Variants in COL22A1 observed in about 807,000 individuals in gnomAD.
COL22A1 encodes the protein collagen type XXII alpha 1 chain, also known as collagen alpha-1(XXII) chain.
Under a neutral mutation model 248.9 loss-of-function variants are expected in COL22A1, and 221 were observed. That is an observed-to-expected ratio of 0.89 (90% CI 0.80 to 0.99). The LOEUF (loss-of-function observed/expected upper bound fraction) is 0.99, where lower values mean the gene tolerates loss of function less well. COL22A1 is among the 50% of genes least tolerant of loss of function. The pLI, the probability that COL22A1 is intolerant of heterozygous loss-of-function variation, is 0.00. For synonymous variants in COL22A1, 891 were observed against 793.4 expected (o/e 1.12, Z -2.07); for missense variants, 2,240 against 2,179.0 (o/e 1.03, Z -0.56).
intron 25 of COL22A1, among the ~76,000 whole-genome samples, chr8:138,723,827 C>T (rs73443086): frequency 6.6e-6 from 1 of 152,142 alleles, no homozygotes; most frequent in Admixed American, 6.5e-5. Context: ...CGACCACAGG[C>T]CCCCTGGGCG....
chr8:138,903,415 T>A (rs568931832), intron 1 of COL22A1, among the ~76,000 whole-genome samples: 2 of 152,320 alleles, frequency 1.3e-5, no homozygotes, highest in South Asian at 4.1e-4. Flanking sequence ...ATGCTTGGGG[T>A]AACATGTAGC....
chr8:138,814,337 C>A (rs1818497215), intron 7 of COL22A1, among the ~76,000 whole-genome samples: 2 of 152,246 alleles, frequency 1.3e-5, no homozygotes, highest in South Asian at 4.1e-4. Context: ...AGATTGGGAA[C>A]TTAATTCCCC....
intron 30 of COL22A1, among the ~76,000 whole-genome samples, chr8:138,709,868 A>C (rs1331823071): frequency 6.6e-6 from 1 of 152,128 alleles, no homozygotes; most frequent in Non-Finnish European, 1.5e-5. Flanking sequence ...AATCATAACT[A>C]ATGTTGATTT....
At chr8:138,853,932 G>A (rs147139219) in intron 3 of COL22A1, among the ~76,000 whole-genome samples, 13 of 152,346 alleles carry the variant, frequency 8.5e-5, no homozygotes, top group African/African-American at 3.1e-4. Flanking sequence ...GCCCTGCAGA[G>A]ATGGTCAAGG....
At chr8:138,664,416 C>T (rs1204980572) in intron 41 of COL22A1, among the ~76,000 whole-genome samples, 2 of 152,000 alleles carry the variant, frequency 1.3e-5, no homozygotes, top group African/African-American at 2.4e-5. Context: ...TGGGACCGTC[C>T]CTTGCCCCTG....
intron 29 of COL22A1, 72 bp from the exon 30 acceptor site, chr8:138,715,807 A>T (rs1829387662): frequency 9.0e-7 from 1 of 1,111,782 alleles, no homozygotes; most frequent in Non-Finnish European, 1.3e-6. Flanking sequence ...TCAAGGTAAG[A>T]GCAACATGAC....
At chr8:138,717,168 G>A (rs1386433701) in intron 27 of COL22A1, among the ~76,000 whole-genome samples, 1 of 151,456 alleles carries the variant, frequency 6.6e-6, no homozygotes, top group Non-Finnish European at 1.5e-5. Context: ...TTTTTTTTGA[G>A]ACGGAGTCTC....
chr8:138,912,244 C>T (rs1391273029), intron 1 of COL22A1, among the ~76,000 whole-genome samples: 1 of 152,250 alleles, frequency 6.6e-6, no homozygotes, highest in Non-Finnish European at 1.5e-5. Flanking sequence ...CATCCTTCAA[C>T]TGCAACTTGC....
chr8:138,769,145 G>C (rs1834151296), intron 16 of COL22A1, among the ~76,000 whole-genome samples: 1 of 152,036 alleles, frequency 6.6e-6, no homozygotes, highest in Non-Finnish European at 1.5e-5. Context: ...TCTAAGCTGT[G>C]AGTTTAAGAG....
intron 7 of COL22A1, among the ~76,000 whole-genome samples, chr8:138,814,119 G>T (rs577859074): frequency 4.6e-5 from 7 of 152,308 alleles, no homozygotes; most frequent in African/African-American, 1.7e-4. Flanking sequence ...CCAGGGCCTG[G>T]CCCTGCCTGG....
chr8:138,713,252 C>A (rs1444504352), intron 30 of COL22A1, among the ~76,000 whole-genome samples: 1 of 151,522 alleles, frequency 6.6e-6, no homozygotes, highest in Non-Finnish European at 1.5e-5. Context: ...GGTGGGGGGG[C>A]GGTGCTTTAG....
rs1240018479 is a variant in COL22A1 at position 138,693,645 on chromosome 8, C to T, written c.2754+1G>A. 9 of 1,582,198 alleles carry T rather than the reference C, an allele frequency of 5.7e-6. No homozygotes were observed. The highest frequency in any genetic ancestry group is 4.7e-5 in the East Asian group (2 of 42,712). ...GAGGCAGGCCGATCATAGGGACTCA[C>T]GGGGTTTCCAGCTGCTCCAGGAGCC... On this transcript the variant is annotated splice_donor_variant, in intron 35 of 64. Transcript: ENST00000303045. LOFTEE classifies it high-confidence loss of function.
intron 4 of COL22A1, 22 bp downstream of exon 4, chr8:138,844,062 G>C: frequency 1.9e-6 from 3 of 1,606,330 alleles, no homozygotes; most frequent in Non-Finnish European, 2.6e-6. Context: ...GCAAGCACAC[G>C]TGGTTATTGT....
At chr8:138,606,568 A>C in intron 57 of COL22A1, 116 bp from the exon 58 acceptor site, 1 of 981,002 alleles carries the variant, frequency 1.0e-6, no homozygotes, top group Non-Finnish European at 1.6e-6. Flanking sequence ...ACAACACACA[A>C]ATCCTCCCAT....
chr8:138,912,512 G>A (rs1483094519), intron 1 of COL22A1, among the ~76,000 whole-genome samples: 1 of 152,208 alleles, frequency 6.6e-6, no homozygotes, highest in Admixed American at 6.5e-5. Context: ...AGGCCAAGGT[G>A]GGCGGATCAC....
intron 13 of COL22A1, 133 bp from the exon 14 acceptor site, chr8:138,779,695 T>C: frequency 3.1e-6 from 2 of 639,824 alleles, no homozygotes; most frequent in Admixed American, 5.4e-5. Context: ...TAGCCACCAG[T>C]GAGCAGGGCC....
intron 60 of COL22A1, among the ~76,000 whole-genome samples, chr8:138,600,994 A>C (rs1334388715): frequency 1.3e-5 from 2 of 152,200 alleles, no homozygotes; most frequent in African/African-American, 4.8e-5. Context: ...AGGGTAGTCT[A>C]ATGGCTCCCT....
chr8:138,660,452 C>T lies in COL22A1; in HGVS notation c.3269G>A (p.Gly1090Glu), dbSNP rs1336607518. ...DGAPGNPGER[G>E]PPGKPGLSSL... Reference sequence around the variant, plus strand: ...ATGACATACCGGCTTGCCAGGAGGCCCTCTTTCTCCTGGATTTCCTGGTGC... The same window carrying T: ...ATGACATACCGGCTTGCCAGGAGGCTCTCTTTCTCCTGGATTTCCTGGTGC... The change falls in exon 44 of 65, where the codon GGG (glycine) becomes GAG (glutamate). Residue 1090 changes from glycine (G) to glutamate (E), a missense_variant. Transcript: ENST00000303045. 1 of 1,613,440 alleles carries T rather than the reference C, an allele frequency of 6.2e-7. No homozygotes were observed. The highest frequency in any genetic ancestry group is 2.2e-5 in the East Asian group (1 of 44,868).
intron 11 of COL22A1, among the ~76,000 whole-genome samples, chr8:138,798,115 C>A (rs991782042): frequency 6.8e-5 from 10 of 146,794 alleles, no homozygotes. Flanking sequence ...ACAAAAGATA[C>A]AACCTATTTG....
Sources: gnomAD v4.1 joint callset for allele counts (sites outside exome capture counted in the v4.1 genomes callset) on GRCh38, gnomAD v4.1.1 for gene constraint, MANE v1.5 for transcripts, NCBI Gene and HGNC (gene_info 2026-07-23, HGNC 2026-07-21) for gene names.